SFSWAP: variants seen among roughly 807,000 people sequenced by gnomAD.
SFSWAP encodes the protein splicing factor, suppressor of white-apricot homolog.
SFSWAP carries 17 observed loss-of-function variants against 100.7 expected under a neutral mutation model. That is an observed-to-expected ratio of 0.17 (90% CI 0.12 to 0.25). The LOEUF (loss-of-function observed/expected upper bound fraction) is 0.25, where lower values mean the gene tolerates loss of function less well. Ranked by LOEUF, SFSWAP falls within the 10% of genes least tolerant of loss-of-function variation. The pLI is 1.00. For synonymous variants in SFSWAP, 504 were observed against 510.1 expected (o/e 0.99, Z 0.16); for missense variants, 1,005 against 1,262.6 (o/e 0.80, Z 3.09).
chr12:131,757,706 C>A (rs1008122654), intron 11 of SFSWAP, among the ~76,000 whole-genome samples: 3 of 152,150 alleles, frequency 2.0e-5, no homozygotes, highest in Non-Finnish European at 4.4e-5. Flanking sequence ...GAATGGTGAT[C>A]ATTCAGCGAA....
At chr12:131,776,537 G>GT (rs1479933925) in intron 13 of SFSWAP, among the ~76,000 whole-genome samples, 2 of 152,212 alleles carry the variant, frequency 1.3e-5, no homozygotes, top group African/African-American at 4.8e-5. Flanking sequence ...TAGAAGAATC[G>GT]TTTCTACAGT....
intron 8 of SFSWAP, among the ~76,000 whole-genome samples, chr12:131,753,834 C>G (rs115472707): frequency 0.012 from 1,867 of 152,270 alleles, 33 homozygotes; most frequent in African/African-American, 0.043. Flanking sequence ...ATCGGCAGAG[C>G]CCTAGCTTCT....
At chr12:131,784,750 T>C (rs923305377) in intron 14 of SFSWAP, 2 of 196,422 alleles carry the variant, frequency 1.0e-5, no homozygotes, top group African/African-American at 4.6e-5. Flanking sequence ...ACTTAGAGAA[T>C]TGTCTAATGG....
Position 131,711,415 on chromosome 12 carries a change from C to T in SFSWAP, c.186C>T (p.Pro62=), listed in dbSNP as rs1012863166. Residue 62 remains proline (P), a synonymous_variant, in exon 1 of 18, where the codon CCC becomes CCT. Transcript: ENST00000261674. The surrounding 1 kb of genome is among the most constrained non-coding windows in gnomAD (Gnocchi z 4.9). The stretch of plus-strand genomic sequence containing the variant: ...AGGAACAGGGACAGCACCTCATCCC[C>T]TGGATGGGGGACCACAAGATCCTCA... ...LAQEQGQHLI[P]WMGDHKILID... is the part of the protein sequence containing the mutation. The T allele has an allele frequency of 4.3e-6, 7 of 1,613,676 alleles. No homozygotes were observed. The highest frequency in any genetic ancestry group is 4.0e-5 in the African/African-American group (3 of 75,066).
intron 11 of SFSWAP, among the ~76,000 whole-genome samples, chr12:131,761,445 G>T (rs929342366): frequency 3.3e-5 from 5 of 152,190 alleles, no homozygotes; most frequent in Non-Finnish European, 7.3e-5. Context: ...TGAGTGGTGT[G>T]CAGGAAAGAG....
intron 5 of SFSWAP, among the ~76,000 whole-genome samples, chr12:131,726,462 G>A (rs1418463043): frequency 6.6e-6 from 1 of 152,164 alleles, no homozygotes; most frequent in Non-Finnish European, 1.5e-5. Flanking sequence ...CACCCGCCTC[G>A]GCCTCCCAGA....
chr12:131,740,145 G>A (rs1880463432), intron 7 of SFSWAP, among the ~76,000 whole-genome samples: 1 of 152,158 alleles, frequency 6.6e-6, no homozygotes, highest in African/African-American at 2.4e-5. Flanking sequence ...GGGGTAGCTG[G>A]ATGGGTCATG....
At chr12:131,755,948 T>C (rs1882117022) in intron 10 of SFSWAP, among the ~76,000 whole-genome samples, 1 of 152,224 alleles carries the variant, frequency 6.6e-6, no homozygotes, top group Admixed American at 6.5e-5. Context: ...CCCAGCGTGG[T>C]GCTGGCGCAC....
In SFSWAP at chr12:131,733,096, G is replaced by A. The variant is rs1879664277; in HGVS notation, c.1081+4668G>A. ...ATGAAACCAGAGCCCTGTGGCCCGC[G>A]TTTCAGACCACTGCCAACCATGGAC... On this transcript the variant is annotated intron_variant, in intron 7 of 17. Coordinates refer to ENST00000261674, the MANE Select transcript of SFSWAP (RefSeq NM_004592.4). The surrounding 1 kb of genome is among the most constrained non-coding windows in gnomAD (Gnocchi z 5.1). Among the ~76,000 whole-genome samples, 1 of 152,180 alleles carries A rather than the reference G, an allele frequency of 6.6e-6. No homozygotes were observed. Among genetic ancestry groups the A allele is most frequent in the Non-Finnish European group, 1.5e-5 (1 of 68,042 alleles).
chr12:131,734,649 G>A lies in SFSWAP; in HGVS notation c.1081+6221G>A, dbSNP rs1296873741. On this transcript the variant is annotated intron_variant, in intron 7 of 17. Coordinates refer to ENST00000261674, the MANE Select transcript of SFSWAP (RefSeq NM_004592.4). This position sits in a 1 kb window ranked among gnomAD's most constrained non-coding sequence, Gnocchi z 4.9. ...GTGCTCCTTGCACCTCGATCCAAGGGGCCACGGGGCTCCCAGGAACATTCA... is the reference window on the plus strand; with the variant it reads ...GTGCTCCTTGCACCTCGATCCAAGGAGCCACGGGGCTCCCAGGAACATTCA... 6.6e-6 allele frequency among the ~76,000 whole-genome samples: 1 copy of A among 152,162 alleles called. No individual in the cohort carries two copies. The highest frequency in any genetic ancestry group is 1.5e-5 in the Non-Finnish European group (1 of 68,036).
At chr12:131,787,386 C>T (rs1296978303) in intron 15 of SFSWAP, among the ~76,000 whole-genome samples, 6 of 152,206 alleles carry the variant, frequency 3.9e-5, no homozygotes, top group African/African-American at 1.4e-4. Flanking sequence ...TGCCATCTCA[C>T]GAGCGCCTCC....
rs1186512734 is a variant in SFSWAP at position 131,773,611 on chromosome 12, T to G, written c.2143-4454T>G. 2.0e-5 allele frequency among the ~76,000 whole-genome samples: 3 copies of G among 152,172 alleles called. No homozygotes were observed. The East Asian group carries it at 5.8e-4, about 29-fold the overall frequency. ...CTCCCGCCTTGGCCTCTCAAGATGC[T>G]AGGATGACAGGCATGAGCCACTGCA... On this transcript the variant is annotated intron_variant, in intron 13 of 17. Transcript: ENST00000261674.
chr12:131,711,584 C>T lies in SFSWAP; in HGVS notation c.218+137C>T, dbSNP rs1193901447. ...CTGGGGGACACCCCCTCCCCTGTCC[C>T]CACCTCCTCCTGGTGTTCTGGTGGG... On this transcript the variant is annotated intron_variant, in intron 1 of 17. Coordinates refer to ENST00000261674, the MANE Select transcript of SFSWAP (RefSeq NM_004592.4). This position sits in a 1 kb window ranked among gnomAD's most constrained non-coding sequence, Gnocchi z 4.9. 2.4e-5 allele frequency: 17 copies of T among 694,642 alleles called. No individual in the cohort carries two copies. The highest frequency in any genetic ancestry group is 4.1e-5 in the Non-Finnish European group (17 of 411,498). 43.0% of individuals were successfully genotyped at this position (694,642 alleles called of 1,614,324 possible).
intron 3 of SFSWAP, among the ~76,000 whole-genome samples, chr12:131,716,143 G>A (rs1259922120): frequency 6.6e-6 from 1 of 152,254 alleles, no homozygotes; most frequent in African/African-American, 2.4e-5. Context: ...CGGAATGATA[G>A]GACGTGGGGC....
chr12:131,779,200 C>T (rs1275009889), intron 14 of SFSWAP, among the ~76,000 whole-genome samples: 3 of 150,018 alleles, frequency 2.0e-5, no homozygotes, highest in Non-Finnish European at 3.0e-5. Context: ...GAGGGCAGCG[C>T]GGATGAGTGT....
At position 131,798,893 on chromosome 12, in the gene SFSWAP, A is replaced by C. The variant is rs76616254; in HGVS notation, c.2718-144A>C. 5 of 467,884 alleles carry C rather than the reference A, an allele frequency of 1.1e-5. No individual in the cohort carries two copies. In the South Asian group the frequency reaches 1.5e-4, roughly 14 times the overall value. The allele number at this position is 467,884 out of a possible 1,614,324, so 29.0% of individuals were successfully genotyped here. A position where few individuals can be genotyped will look rare whatever the true frequency, so the allele number is the denominator to read the frequency against. On this transcript the variant is annotated intron_variant, in intron 16 of 17. Coordinates refer to ENST00000261674, the MANE Select transcript of SFSWAP (RefSeq NM_004592.4). ...TGACAGAGTGAAACTCTTGTCTGGAAAAAAAAAAAAAGATACTGGAAGCAG... is the reference window on the plus strand; with the variant it reads ...TGACAGAGTGAAACTCTTGTCTGGACAAAAAAAAAAAGATACTGGAAGCAG...
At position 131,718,287 on chromosome 12, in the gene SFSWAP, T is replaced by C. The variant is rs572188840; in HGVS notation, c.521-1167T>C. The stretch of plus-strand genomic sequence containing the variant: ...CTTCAAGAGCCTTTACTGTATATGA[T>C]AGAAACACTTATTTTGATGAAGATT... On this transcript the variant is annotated intron_variant, in intron 3 of 17. Coordinates refer to ENST00000261674, the MANE Select transcript of SFSWAP (RefSeq NM_004592.4). Among the ~76,000 whole-genome samples, 8 of 152,378 alleles carry C rather than the reference T, an allele frequency of 5.3e-5. No individual in the cohort carries two copies. The Middle Eastern group carries it at 0.014, about 259-fold the overall frequency.
chr12:131,745,554 C>T (rs780165476), intron 7 of SFSWAP, among the ~76,000 whole-genome samples: 4 of 152,166 alleles, frequency 2.6e-5, no homozygotes, highest in African/African-American at 9.7e-5. Flanking sequence ...ATTCTTGAAT[C>T]GTGTTGTCAG....
intron 15 of SFSWAP, among the ~76,000 whole-genome samples, chr12:131,793,003 A>G (rs1402536121): frequency 6.6e-6 from 1 of 152,224 alleles, no homozygotes; most frequent in Non-Finnish European, 1.5e-5. Flanking sequence ...GATGGAATAG[A>G]AAGTACAGAA....
Sources: gnomAD v4.1 joint callset for allele counts (sites outside exome capture counted in the v4.1 genomes callset) on GRCh38, gnomAD v4.1.1 for gene constraint, Gnocchi (gnomAD v3.1) non-coding constraint, MANE v1.5 for transcripts, NCBI Gene and HGNC (gene_info 2026-07-23, HGNC 2026-07-21) for gene names.